The following PROS1 variants were observed in gnomAD, a reference collection of about 807,000 sequenced individuals.
PROS1 encodes vitamin K-dependent protein S.
In PROS1, 29 loss-of-function variants were observed where a neutral mutation model predicts 75.9. That is an observed-to-expected ratio of 0.38 (90% confidence interval 0.28 to 0.52). The LOEUF is 0.52. Ranked by LOEUF, PROS1 falls within the 20% of genes least tolerant of loss-of-function variation. The pLI, the probability that PROS1 is intolerant of heterozygous loss-of-function variation, is 0.83. For synonymous variants in PROS1, 245 were observed against 280.6 expected, an observed-to-expected ratio of 0.87 and a Z score of 1.27; for missense variants, 680 against 810.3, an observed-to-expected ratio of 0.84 and a Z score of 1.95.
rs754050784 is a variant in PROS1, at chr3:93,884,939, A to G, written c.1324-43T>C. ...AAGTCAAGGAGTGCATTTTAAACTT[A>G]AACAGTGGCTCGATTATGAGTATAG... On this transcript the variant is annotated intron_variant, in intron 11 of 14. Coordinates refer to ENST00000394236, the MANE Select transcript of PROS1 (RefSeq NM_000313.4). The G allele has an allele frequency of 5.2e-6, 8 of 1,537,772 alleles. No individual in the cohort carries two copies. In the African/African-American group the frequency reaches 5.5e-5, roughly 11 times the overall value.
chr3:93,892,703 A>G (rs1708450835), intron 10 of PROS1, among the ~76,000 whole-genome samples: 1 of 152,160 alleles, frequency 6.6e-6, no homozygotes, highest in Non-Finnish European at 1.5e-5. Flanking sequence ...AAAGGTAAAA[A>G]GTTAAAGACA....
chr3:93,906,115 T>C lies in PROS1; in HGVS notation c.375A>G (p.Pro125=). ...AGCTCATATATCCATCTTCATTGCA[T>C]GGCAGAGGACTACACTGGTCTGGAA... ...NAIPDQCSPL[P]CNEDGYMSCK... Residue 125 remains proline (P), a synonymous_variant, in exon 5 of 15, where the codon CCA becomes CCG. Coordinates refer to ENST00000394236, the MANE Select transcript of PROS1 (RefSeq NM_000313.4). 1 of 1,614,042 alleles carries C rather than the reference T, an allele frequency of 6.2e-7. No homozygotes were observed. The highest frequency in any genetic ancestry group is 8.5e-7 in the Non-Finnish European group (1 of 1,179,996).
rs754897308 is a variant in PROS1, at chr3:93,910,655, T to C, written c.310A>G (p.Thr104Ala). Residue 104 changes from threonine to alanine, a missense_variant, in exon 4 of 15, where the codon ACT becomes GCT. Coordinates refer to ENST00000394236, the MANE Select transcript of PROS1 (RefSeq NM_000313.4). ...CTTCTTAGGTCAGGATAAGCATTAGTTGACTGACGTGCAGCAGTGAATAAC... is the reference window on the plus strand; with the variant it reads ...CTTCTTAGGTCAGGATAAGCATTAGCTGACTGACGTGCAGCAGTGAATAAC... ...TGLFTAARQSTNAYPDLRSCV... is the reference protein window; with the variant it reads ...TGLFTAARQSANAYPDLRSCV... 6.2e-6 allele frequency: 10 copies of C among 1,613,752 alleles called. No individual in the cohort carries two copies. Among genetic ancestry groups the C allele is most frequent in the Non-Finnish European group, 7.6e-6 (9 of 1,179,772 alleles).
chr3:93,939,142 C>T (rs1019934687), intron 1 of PROS1, among the ~76,000 whole-genome samples: 2 of 152,184 alleles, frequency 1.3e-5, no homozygotes, highest in African/African-American at 4.8e-5. Context: ...GACCCCAATA[C>T]AAACTCGACA....
chr3:93,912,258 C>A (rs1488328069), intron 3 of PROS1, among the ~76,000 whole-genome samples: 3 of 152,154 alleles, frequency 2.0e-5, no homozygotes, highest in African/African-American at 7.2e-5. Flanking sequence ...CATTCCATAT[C>A]TGACTCCATA....
chr3:93,956,733 C>G (rs1366587932), intron 1 of PROS1, among the ~76,000 whole-genome samples: 2 of 152,070 alleles, frequency 1.3e-5, no homozygotes, highest in Non-Finnish European at 2.9e-5. Flanking sequence ...GCATTTTGGG[C>G]AAGTCTCACA....
At chr3:93,928,749 G>A (rs1435217417) in intron 1 of PROS1, 2 of 1,296,178 alleles carry the variant, frequency 1.5e-6, no homozygotes, top group African/African-American at 1.5e-5. Context: ...GACCAATACA[G>A]AAATGCATGC....
At chr3:93,892,624 CAAA>C (rs879821259) in intron 10 of PROS1, among the ~76,000 whole-genome samples, 2 of 123,796 alleles carry the variant, frequency 1.6e-5, no homozygotes, top group African/African-American at 3.0e-5. Flanking sequence ...AACTCTGTCT[CAAA>C]AAAAAAAAAA....
chr3:93,894,251 G>A (rs1708471643), intron 9 of PROS1, among the ~76,000 whole-genome samples: 1 of 151,960 alleles, frequency 6.6e-6, no homozygotes, highest in Non-Finnish European at 1.5e-5. Context: ...ACAAAGAAAA[G>A]GTGACAAAAT....
intron 3 of PROS1, among the ~76,000 whole-genome samples, chr3:93,921,452 C>T (rs1422430966): frequency 1.3e-5 from 2 of 152,100 alleles, no homozygotes; most frequent in Non-Finnish European, 2.9e-5. Flanking sequence ...ATAAGGGAAA[C>T]ATTAACAATT....
At chr3:93,915,744 T>C (rs565134175) in intron 3 of PROS1, among the ~76,000 whole-genome samples, 57 of 152,152 alleles carry the variant, frequency 3.7e-4, no homozygotes, top group Admixed American at 3.7e-3. Flanking sequence ...ACTTAAGTAA[T>C]CTCTAAGAAG....
At chr3:93,935,538 T>A (rs1709169674) in intron 1 of PROS1, among the ~76,000 whole-genome samples, 1 of 152,138 alleles carries the variant, frequency 6.6e-6, no homozygotes, top group Non-Finnish European at 1.5e-5. Context: ...AAGGCAACAG[T>A]AAAATAATTC....
intron 9 of PROS1, among the ~76,000 whole-genome samples, chr3:93,895,471 A>T (rs1198665139): frequency 6.6e-6 from 1 of 152,212 alleles, no homozygotes; most frequent in Non-Finnish European, 1.5e-5. Context: ...TAAGTTATTG[A>T]TCTTAGAATA....
intron 1 of PROS1, among the ~76,000 whole-genome samples, chr3:93,947,767 C>G (rs1179777423): frequency 6.6e-6 from 1 of 152,012 alleles, no homozygotes; most frequent in Non-Finnish European, 1.5e-5. Flanking sequence ...TGGGGTTTCA[C>G]CGTGTTAGCC....
intron 1 of PROS1, among the ~76,000 whole-genome samples, chr3:93,948,608 T>C (rs1442642366): frequency 6.6e-6 from 1 of 152,210 alleles, no homozygotes; most frequent in African/African-American, 2.4e-5. Flanking sequence ...ACTGTTGTTT[T>C]TTAGAATTTT....
chr3:93,955,918 G>A (rs1709590890), intron 1 of PROS1, among the ~76,000 whole-genome samples: 2 of 152,082 alleles, frequency 1.3e-5, no homozygotes, highest in African/African-American at 4.8e-5. Context: ...GGCAGAATTT[G>A]CTTAACAGAA....
At chr3:93,938,306 C>T (rs534717111) in intron 1 of PROS1, among the ~76,000 whole-genome samples, 22 of 152,230 alleles carry the variant, frequency 1.4e-4, no homozygotes, top group African/African-American at 4.8e-4. Context: ...TACCCAAATC[C>T]TATAAAACGG....
At chr3:93,944,513 A>G (rs1257643304) in intron 1 of PROS1, among the ~76,000 whole-genome samples, 6 of 152,102 alleles carry the variant, frequency 3.9e-5, no homozygotes, top group Non-Finnish European at 2.9e-5. Context: ...ACTCAAAACC[A>G]CTCAACTACA....
chr3:93,888,095 A>T (rs1474195594), intron 10 of PROS1, among the ~76,000 whole-genome samples: 1 of 152,234 alleles, frequency 6.6e-6, no homozygotes, highest in East Asian at 1.9e-4. Flanking sequence ...GCATACATAG[A>T]CACAAAATAT....
Sources: allele counts gnomAD v4.1 joint callset (sites outside exome capture counted in the v4.1 genomes callset), GRCh38; gene constraint gnomAD v4.1.1; transcripts MANE v1.5; gene names NCBI Gene and HGNC (gene_info 2026-07-23, HGNC 2026-07-21).